Variants in TCF4 observed in about 807,000 individuals in gnomAD.
TCF4 encodes SL3-3 enhancer factor 2.
Under a neutral mutation model 82.1 loss-of-function variants are expected in TCF4, and 3 were observed. The observed-to-expected ratio is 0.04, with a 90% CI of 0.02 to 0.09. The LOEUF (loss-of-function observed/expected upper bound fraction) is 0.09, where lower values mean the gene tolerates loss of function less well. Ranked by LOEUF, TCF4 falls within the 10% of genes least tolerant of loss-of-function variation. The probability of loss-of-function intolerance (pLI) is 1.00; values close to 1 mark genes in which losing one functional copy is unlikely to be tolerated. For missense variants in TCF4, 518 were observed against 852.7 expected, an observed-to-expected ratio of 0.61 and a Z score of 4.89; for synonymous variants, 276 against 309.6, an observed-to-expected ratio of 0.89 and a Z score of 1.14.
intron 6 of TCF4, among the ~76,000 whole-genome samples, chr18:55,384,973 C>T (rs998345723): frequency 2.0e-5 from 3 of 152,116 alleles, no homozygotes; most frequent in African/African-American, 4.8e-5. Flanking sequence ...TACCCGAGCC[C>T]GACAGATTTT....
At chr18:55,478,445 T>C (rs935435019) in intron 3 of TCF4, among the ~76,000 whole-genome samples, 7 of 152,212 alleles carry the variant, frequency 4.6e-5, no homozygotes, top group Non-Finnish European at 8.8e-5. Flanking sequence ...CCTTATGTCA[T>C]TCCTTCTGCT....
chr18:55,625,046 C>G (rs557603797), intron 2 of TCF4, among the ~76,000 whole-genome samples: 1 of 151,950 alleles, frequency 6.6e-6, no homozygotes, highest in Non-Finnish European at 1.5e-5. Context: ...TAAATATTTT[C>G]ATAAAAATCA....
chr18:55,429,115 G>GAA (rs879803747), intron 5 of TCF4, among the ~76,000 whole-genome samples: 3 of 152,028 alleles, frequency 2.0e-5, no homozygotes, highest in Non-Finnish European at 4.4e-5. Context: ...GCAAATATAG[G>GAA]AAAAAAGAAC....
chr18:55,402,495 G>GAA (rs970205582), intron 6 of TCF4, among the ~76,000 whole-genome samples: 1 of 142,514 alleles, frequency 7.0e-6, no homozygotes. Context: ...TCCAGCATTT[G>GAA]AAAAAAAAAA....
intron 2 of TCF4, among the ~76,000 whole-genome samples, chr18:55,627,490 G>A (rs922475188): frequency 6.6e-5 from 10 of 152,162 alleles, no homozygotes; most frequent in East Asian, 3.8e-4. Flanking sequence ...TAGGCTGGGC[G>A]CAGTGGCTCA....
At chr18:55,520,494 T>C (rs1266054827) in intron 3 of TCF4, among the ~76,000 whole-genome samples, 1 of 152,224 alleles carries the variant, frequency 6.6e-6, no homozygotes, top group African/African-American at 2.4e-5. Flanking sequence ...AGCAAAATGT[T>C]CGTTGTTTTT....
chr18:55,413,795 A>G (rs969852033), intron 5 of TCF4, among the ~76,000 whole-genome samples: 7 of 152,232 alleles, frequency 4.6e-5, no homozygotes, highest in East Asian at 1.9e-4. Context: ...CAAGAAAATA[A>G]AATGCATTAC....
chr18:55,281,516 A>T (rs184150954), intron 8 of TCF4, among the ~76,000 whole-genome samples: 2 of 152,130 alleles, frequency 1.3e-5, no homozygotes, highest in Admixed American at 6.5e-5. Flanking sequence ...AAATTTCAGA[A>T]ATCAATATAT....
chr18:55,316,442 C>A (rs2074157803), intron 8 of TCF4, among the ~76,000 whole-genome samples: 2 of 151,950 alleles, frequency 1.3e-5, no homozygotes, highest in Admixed American at 6.6e-5. Context: ...TTCTTAGTGG[C>A]AGAGCAGTAA....
At chr18:55,468,083 C>A (rs72928962) in intron 3 of TCF4, among the ~76,000 whole-genome samples, 1 of 152,148 alleles carries the variant, frequency 6.6e-6, no homozygotes, top group African/African-American at 2.4e-5. Flanking sequence ...CTTCTCCCCA[C>A]GCAGAGTGAA....
intron 8 of TCF4, among the ~76,000 whole-genome samples, chr18:55,292,874 C>T (rs780741041): frequency 1.3e-5 from 2 of 151,982 alleles, no homozygotes; most frequent in African/African-American, 4.8e-5. Flanking sequence ...ACACATTATA[C>T]ATATATACAT....
intron 15 of TCF4, among the ~76,000 whole-genome samples, chr18:55,243,884 C>T (rs545475218): frequency 6.6e-6 from 1 of 152,258 alleles, no homozygotes; most frequent in Non-Finnish European, 1.5e-5. Context: ...CTGTCCTTTT[C>T]TGTTCTATTT....
chr18:55,307,866 T>C (rs1049077805), intron 8 of TCF4, among the ~76,000 whole-genome samples: 2 of 152,174 alleles, frequency 1.3e-5, no homozygotes, highest in Non-Finnish European at 2.9e-5. Flanking sequence ...GAGAGGATGA[T>C]GGGGAAAGCT....
chr18:55,496,342 GC>G (rs1418512176), intron 3 of TCF4: 1 of 150,870 alleles, frequency 6.6e-6, no homozygotes, highest in Non-Finnish European at 1.5e-5. Context: ...TCATAACTCT[GC>G]CCTCCATAAA....
chr18:55,354,204 T>C (rs903880466), intron 6 of TCF4, among the ~76,000 whole-genome samples: 1 of 152,202 alleles, frequency 6.6e-6, no homozygotes, highest in African/African-American at 2.4e-5. Flanking sequence ...ACTGACTTTA[T>C]CAACCAGGTT....
intron 8 of TCF4, among the ~76,000 whole-genome samples, chr18:55,329,577 G>GA (rs1348164865): frequency 2.0e-5 from 3 of 152,124 alleles, no homozygotes; most frequent in Non-Finnish European, 4.4e-5. Flanking sequence ...AATGATTTGG[G>GA]AAAAAAATTG....
At chr18:55,631,462 G>A (rs1466169474) in intron 1 of TCF4, 6 of 1,459,298 alleles carry the variant, frequency 4.1e-6, no homozygotes, top group South Asian at 2.5e-5. Context: ...GGTACTGGTA[G>A]TCTGGGGAAG....
At chr18:55,500,585 T>C (rs889737183) in intron 3 of TCF4, among the ~76,000 whole-genome samples, 1 of 152,228 alleles carries the variant, frequency 6.6e-6, no homozygotes, top group Non-Finnish European at 1.5e-5. Context: ...ATTTTTTTCA[T>C]AGCTCTCTAT....
intron 3 of TCF4, chr18:55,495,668 A>G (rs1004595667): frequency 6.6e-6 from 1 of 152,186 alleles, no homozygotes; most frequent in Admixed American, 6.6e-5. Flanking sequence ...TAGTTTCAAT[A>G]TCAACACAGA....
Sources: gnomAD v4.1 joint callset for allele counts (sites outside exome capture counted in the v4.1 genomes callset) on GRCh38, gnomAD v4.1.1 for gene constraint, MANE v1.5 for transcripts, NCBI Gene and HGNC (gene_info 2026-07-23, HGNC 2026-07-21) for gene names.